Variants in SECISBP2L observed in about 807,000 individuals in gnomAD.
SECISBP2L encodes the protein SECIS binding protein 2 like, also known as selenocysteine insertion sequence-binding protein 2-like.
SECISBP2L carries 43 observed loss-of-function variants against 114.7 expected under a neutral mutation model. The ratio of observed to expected loss-of-function variants is 0.38; its 90% CI spans 0.29 to 0.48. The LOEUF is 0.48. Ranked by LOEUF, SECISBP2L falls within the 20% of genes least tolerant of loss-of-function variation. The pLI is 0.98. For synonymous variants in SECISBP2L, 451 were observed against 439.7 expected (o/e 1.03, Z -0.32); for missense variants, 1,136 against 1,301.1 (o/e 0.87, Z 1.95).
intron 7 of SECISBP2L, among the ~76,000 whole-genome samples, chr15:49,026,501 A>T (rs1281321729): frequency 6.6e-6 from 1 of 152,212 alleles, no homozygotes; most frequent in African/African-American, 2.4e-5. Flanking sequence ...ATGTACAGTT[A>T]TCATGTGTCG....
chr15:49,044,615 A>AG (rs1431090350), intron 1 of SECISBP2L, among the ~76,000 whole-genome samples: 1 of 152,186 alleles, frequency 6.6e-6, no homozygotes, highest in Admixed American at 6.5e-5. Flanking sequence ...AAGTACTGGA[A>AG]GAAAAAAAAG....
intron 11 of SECISBP2L, 103 bp downstream of exon 11, chr15:49,016,453 CACAT>C (rs1483220066): frequency 6.5e-6 from 6 of 924,302 alleles, no homozygotes; most frequent in Non-Finnish European, 9.4e-6. Flanking sequence ...CACACACACA[CACAT>C]ATATATACAC....
chr15:49,034,669 G>GTTTTTTCT (rs1555387330), intron 3 of SECISBP2L, among the ~76,000 whole-genome samples: 1 of 132,136 alleles, frequency 7.6e-6, no homozygotes, highest in Non-Finnish European at 1.6e-5. Flanking sequence ...TATATCTTTT[G>GTTTTTTCT]TTTTTTTTTT....
At position 49,033,117 on chromosome 15, in the gene SECISBP2L, A is replaced by C. The variant is rs780823918; in HGVS notation, c.529-17T>G. 8.1e-6 allele frequency: 13 copies of C among 1,600,030 alleles called. No individual in the cohort carries two copies. Among genetic ancestry groups the C allele is most frequent in the South Asian group, 4.6e-5 (4 of 87,710 alleles). ...AAGCTGTTGCTGATTTAAAAAAAAA[A>C]CAAAAAAACAAAAAACACACAACTA... On this transcript the variant is annotated splice_polypyrimidine_tract_variant and intron_variant, in intron 3 of 17. Transcript: ENST00000559471.
In SECISBP2L at chr15:48,991,417, G is replaced by GT. The variant is rs1901975622; in HGVS notation, c.*826dup. The GT allele has an allele frequency of 6.6e-6, 1 of 152,634 alleles. No homozygotes were observed. The highest frequency in any genetic ancestry group is 1.5e-5 in the Non-Finnish European group (1 of 68,044). The allele number at this position is 152,634 out of a possible 1,614,324, so 9.5% of individuals were successfully genotyped here. A position where few individuals can be genotyped will look rare whatever the true frequency, so the allele number is the denominator to read the frequency against. On this transcript the variant is annotated 3_prime_UTR_variant, in exon 18 of 18. Coordinates refer to ENST00000559471, the MANE Select transcript of SECISBP2L (RefSeq NM_001193489.2). ...GACTCTGTTTCTGAAGAGTTTACATGTAAGTGCAGCAGTCATACAATCGGT... is the reference window on the plus strand; with the variant it reads ...GACTCTGTTTCTGAAGAGTTTACATGTTAAGTGCAGCAGTCATACAATCGGT...
chr15:48,993,738 AAGT>A (rs1902036373), intron 17 of SECISBP2L, among the ~76,000 whole-genome samples: 1 of 152,042 alleles, frequency 6.6e-6, no homozygotes. Flanking sequence ...AGGACAAAAA[AAGT>A]ATTATATACT....
intron 13 of SECISBP2L, chr15:49,011,519 G>C: frequency 2.3e-6 from 1 of 432,418 alleles, no homozygotes. Flanking sequence ...CCTCAAAAAT[G>C]TCATAGGCCT....
chr15:49,010,383 T>C (rs1222227920), intron 13 of SECISBP2L, among the ~76,000 whole-genome samples: 1 of 152,180 alleles, frequency 6.6e-6, no homozygotes. Context: ...ATGCCATTTC[T>C]TGACTCTACT....
intron 2 of SECISBP2L, among the ~76,000 whole-genome samples, chr15:49,036,027 C>T (rs902214045): frequency 4.6e-5 from 7 of 152,172 alleles, no homozygotes; most frequent in African/African-American, 1.4e-4. Flanking sequence ...GGTACACAAC[C>T]GTGACAGCCT....
chr15:49,021,506 T>C (rs982399753), intron 7 of SECISBP2L, among the ~76,000 whole-genome samples: 1 of 152,174 alleles, frequency 6.6e-6, no homozygotes, highest in African/African-American at 2.4e-5. Flanking sequence ...GTATAATCTT[T>C]AGTAACAGCT....
chr15:49,034,318 A>G (rs1902959616), intron 3 of SECISBP2L, among the ~76,000 whole-genome samples: 1 of 152,194 alleles, frequency 6.6e-6, no homozygotes, highest in African/African-American at 2.4e-5. Flanking sequence ...TCTTCCCATT[A>G]GCTTTGACAA....
rs1214516587 is a variant in SECISBP2L, at chr15:49,033,041, A to C, written c.588T>G (p.Thr196=). ...SKRPLVKNVA[T]QKETNAAGPD... is the part of the protein sequence containing the mutation. The stretch of plus-strand genomic sequence containing the variant: ...GACCTGCTGCATTTGTTTCTTTCTG[A>C]GTAGCTACATTTTTCACCAGCGGCC... Residue 196 remains threonine (T), a synonymous_variant, in exon 4 of 18, where the codon ACT becomes ACG. Coordinates refer to ENST00000559471, the MANE Select transcript of SECISBP2L (RefSeq NM_001193489.2). 10 of 1,614,006 alleles carry C rather than the reference A, an allele frequency of 6.2e-6. No homozygotes were observed. The African/African-American group carries it at 1.3e-4, about 22-fold the overall frequency.
rs141234278 is a variant in SECISBP2L at position 49,032,786 on chromosome 15, T to C, written c.664+179A>G. 2.6e-3 allele frequency among the ~76,000 whole-genome samples: 397 copies of C among 152,234 alleles called. 2 individuals are homozygous for C. The highest frequency in any genetic ancestry group is 7.9e-3 in the African/African-American group (327 of 41,528). On this transcript the variant is annotated intron_variant, in intron 4 of 17. Transcript: ENST00000559471. Reference sequence around the variant, plus strand: ...ATTGTACATAAGGCCAGCAAGCAAATTGAAAGAACATTAAGGACACAGATT... The same window carrying C: ...ATTGTACATAAGGCCAGCAAGCAAACTGAAAGAACATTAAGGACACAGATT...
chr15:49,046,230 G>A (rs1229071254), intron 1 of SECISBP2L, 46 bp downstream of exon 1: 2 of 1,566,628 alleles, frequency 1.3e-6, no homozygotes, highest in Admixed American at 3.6e-5. Context: ...TGAGGAAGCG[G>A]CGACCCCAAC....
chr15:49,009,100 A>T, intron 14 of SECISBP2L, 116 bp downstream of exon 14: 1 of 1,131,118 alleles, frequency 8.8e-7, no homozygotes, highest in Non-Finnish European at 1.3e-6. Flanking sequence ...GAAAGGAGTT[A>T]AAGATCTCTG....
At chr15:49,010,124 G>GGCAGACACACACACAC (rs370454161) in intron 13 of SECISBP2L, among the ~76,000 whole-genome samples, 1 of 138,748 alleles carries the variant, frequency 7.2e-6, no homozygotes. Context: ...AACAGAGGCA[G>GGCAGACACACACACAC]ACACACACAC....
At chr15:49,037,394 T>C in intron 2 of SECISBP2L, 197 bp downstream of exon 2, 2 of 428,134 alleles carry the variant, frequency 4.7e-6, no homozygotes, top group East Asian at 4.2e-5. Context: ...AGACATAGCC[T>C]AAGAATTCAA....
chr15:49,033,039 T>G lies in SECISBP2L; in HGVS notation c.590A>C (p.Gln197Pro), dbSNP rs1400078369. The G allele has an allele frequency of 6.2e-7, 1 of 1,614,150 alleles. No individual in the cohort carries two copies. The highest frequency in any genetic ancestry group is 8.5e-7 in the Non-Finnish European group (1 of 1,180,022). ...AGGACCTGCTGCATTTGTTTCTTTC[T>G]GAGTAGCTACATTTTTCACCAGCGG... is the stretch of plus-strand genomic sequence containing the variant. ...KRPLVKNVAT[Q>P]KETNAAGPDS... The change falls in exon 4 of 18, where the codon CAG becomes CCG. Residue 197 changes from glutamine (Q) to proline (P), a missense_variant. This residue lies in a region of SECISBP2L where 452 missense variants were observed against 452.3 expected (regional missense o/e 1.00). Transcript: ENST00000559471.
intron 13 of SECISBP2L, 58 bp from the exon 14 acceptor site, chr15:49,009,436 T>C: frequency 6.5e-7 from 1 of 1,534,328 alleles, no homozygotes; most frequent in African/African-American, 1.4e-5. Context: ...TGAAAAGTTC[T>C]ACGTTGATCA....
Sources: allele counts gnomAD v4.1 joint callset (sites outside exome capture counted in the v4.1 genomes callset), GRCh38; gene constraint gnomAD v4.1.1; regional missense constraint gnomAD v4.1.1; transcripts MANE v1.5; gene names NCBI Gene and HGNC (gene_info 2026-07-23, HGNC 2026-07-21).